Variants in DTHD1 observed in about 807,000 individuals in gnomAD.
The protein encoded by DTHD1 is death domain containing 1, also known as death domain-containing protein 1.
Under a neutral mutation model 74.8 loss-of-function variants are expected in DTHD1, and 59 were observed. The ratio of observed to expected loss-of-function variants is 0.79; its 90% CI spans 0.64 to 0.98. The LOEUF (loss-of-function observed/expected upper bound fraction) is 0.98. Among genes scored for constraint, DTHD1 ranks in the 50% least tolerant of loss-of-function variants. The pLI is 0.00. For synonymous variants in DTHD1, 365 were observed against 371.1 expected (o/e 0.98, Z 0.19); for missense variants, 1,051 against 1,065.4 (o/e 0.99, Z 0.19).
Position 36,294,829 on chromosome 4 carries a change from T to C in DTHD1, c.1433T>C (p.Leu478Ser). The part of the protein sequence containing the change: ...QPVDPALVAH[L>S]KAQQDTFYSV... The stretch of plus-strand genomic sequence containing the variant: ...GTTGACCCAGCTCTGGTGGCACATT[T>C]AAAAGCACAGCAAGATACTTTCTAC... The change falls in exon 5 of 10, where the codon TTA becomes TCA. Residue 478 changes from leucine to serine, a missense_variant. Coordinates refer to ENST00000639862, the MANE Select transcript of DTHD1 (RefSeq NM_001170700.3). 1 of 1,550,006 alleles carries C rather than the reference T, an allele frequency of 6.5e-7. No individual in the cohort carries two copies. Among genetic ancestry groups the C allele is most frequent in the African/African-American group, 1.4e-5 (1 of 73,122 alleles).
rs1232018125 is a variant in DTHD1, at chr4:36,284,132, A to C, written c.428A>C (p.Lys143Thr). 3 of 1,537,114 alleles carry C rather than the reference A, an allele frequency of 2.0e-6. No individual in the cohort carries two copies. The highest frequency in any genetic ancestry group is 2.6e-6 in the Non-Finnish European group (3 of 1,146,886). ...ACAATGTCCTCCATTCAAGATACCA[A>C]AGCAGCAGACATTGCTGCAAGAGGG... Reference protein sequence around the residue: ...QQTMSSIQDTKAADIAARGEL... With the variant: ...QQTMSSIQDTTAADIAARGEL... Residue 143 changes from lysine to threonine, a missense_variant, in exon 2 of 10, where the codon AAA becomes ACA. Coordinates refer to ENST00000639862, the MANE Select transcript of DTHD1 (RefSeq NM_001170700.3).
At position 36,339,144 on chromosome 4, in the gene DTHD1, CAA is replaced by C. The variant is rs1759174318; in HGVS notation, c.2376_2377del (p.Arg793SerfsTer3). Reference sequence around the variant, plus strand: ...AATTAATCAACCGTCCACAGAGTACCAAAAGAGTTTCTAAGGATCCTGTAGGT... The same window carrying C: ...AATTAATCAACCGTCCACAGAGTACCAAGAGTTTCTAAGGATCCTGTAGGT... ...KKLINRPQSTKRVSKDPVEAL... is the reference protein window; with the variant it reads ...KKLINRPQSTXRVSKDPVEAL... On this transcript the variant is annotated frameshift_variant, in exon 9 of 10. Transcript: ENST00000639862. LOFTEE classifies it high-confidence loss of function. The C allele has an allele frequency of 1.9e-6, 3 of 1,547,616 alleles. No individual in the cohort carries two copies. The highest frequency in any genetic ancestry group is 2.4e-5 in the South Asian group (2 of 83,756).
intron 8 of DTHD1, among the ~76,000 whole-genome samples, chr4:36,328,234 C>A (rs1006635690): frequency 9.2e-5 from 14 of 152,348 alleles, no homozygotes; most frequent in Admixed American, 9.1e-4. Context: ...ACTTCTTGCT[C>A]TAAACTCTGT....
At chr4:36,310,920 G>A (rs28530750) in intron 7 of DTHD1, among the ~76,000 whole-genome samples, 15,907 of 152,108 alleles carry the variant, frequency 0.1, 1,677 homozygotes, top group African/African-American at 0.27. Flanking sequence ...CTTGGCTTCC[G>A]GAGCAGAAAC....
rs951166488 is a variant in DTHD1, at chr4:36,347,042, C to T, written c.*3218C>T. Among the ~76,000 whole-genome samples, 1 of 152,174 alleles carries T rather than the reference C, an allele frequency of 6.6e-6. No homozygotes were observed. The highest frequency in any genetic ancestry group is 1.5e-5 in the Non-Finnish European group (1 of 68,026). On this transcript the variant is annotated 3_prime_UTR_variant, in exon 10 of 10. Coordinates refer to ENST00000639862, the MANE Select transcript of DTHD1 (RefSeq NM_001170700.3). ...CATTGAGACCCTGATTGATACCTCT[C>T]TGCACACCTTTCTTATGCTCCTAGC...
At chr4:36,340,198 C>T (rs1301822346) in intron 9 of DTHD1, among the ~76,000 whole-genome samples, 1 of 152,166 alleles carries the variant, frequency 6.6e-6, no homozygotes, top group African/African-American at 2.4e-5. Context: ...TGAGGTTAGA[C>T]ATTTTGAGTG....
At position 36,294,846 on chromosome 4, in the gene DTHD1, A is replaced by G; in HGVS notation, c.1450A>G (p.Thr484Ala). 2 of 1,551,014 alleles carry G rather than the reference A, an allele frequency of 1.3e-6. No homozygotes were observed. Among genetic ancestry groups the G allele is most frequent in the Non-Finnish European group, 8.7e-7 (1 of 1,146,232 alleles). ...LVAHLKAQQD[T>A]FYSVQSTSPL... ...GGCACATTTAAAAGCACAGCAAGATACTTTCTACTCAGTCCAATCCACAAG... is the reference window on the plus strand; with the variant it reads ...GGCACATTTAAAAGCACAGCAAGATGCTTTCTACTCAGTCCAATCCACAAG... The change falls in exon 5 of 10, where the codon ACT becomes GCT. Residue 484 changes from threonine (T) to alanine (A), a missense_variant. Physicochemically the swap from Thr to Ala is moderately conservative, Grantham distance 58 (BLOSUM62 0). Coordinates refer to ENST00000639862, the MANE Select transcript of DTHD1 (RefSeq NM_001170700.3).
chr4:36,295,158 T>C (rs1756326256), intron 5 of DTHD1, 119 bp downstream of exon 5: 6 of 1,204,374 alleles, frequency 5.0e-6, no homozygotes, highest in Non-Finnish European at 6.5e-6. Context: ...ATGAAATATC[T>C]TTAATCTAGA....
chr4:36,309,296 C>A (rs1433693605), intron 7 of DTHD1, among the ~76,000 whole-genome samples: 4 of 152,038 alleles, frequency 2.6e-5, no homozygotes, highest in Admixed American at 6.5e-5. Flanking sequence ...AACACACACA[C>A]ACAAAAATTA....
At chr4:36,312,734 C>A (rs1757477723) in intron 7 of DTHD1, among the ~76,000 whole-genome samples, 1 of 152,114 alleles carries the variant, frequency 6.6e-6, no homozygotes. Flanking sequence ...CCTGAGATGG[C>A]TGGATCAGAG....
intron 8 of DTHD1, among the ~76,000 whole-genome samples, chr4:36,335,902 T>G (rs1758984602): frequency 6.6e-6 from 1 of 152,236 alleles, no homozygotes; most frequent in African/African-American, 2.4e-5. Context: ...GGAATCCTAA[T>G]GACAGTGGCT....
intron 7 of DTHD1, among the ~76,000 whole-genome samples, chr4:36,308,733 C>T (rs1757208222): frequency 6.6e-6 from 1 of 152,138 alleles, no homozygotes; most frequent in Admixed American, 6.5e-5. Context: ...TAGAAATAGC[C>T]TTCTTCACAG....
At chr4:36,307,764 A>G (rs1757144096) in intron 6 of DTHD1, among the ~76,000 whole-genome samples, 1 of 152,236 alleles carries the variant, frequency 6.6e-6, no homozygotes, top group Non-Finnish European at 1.5e-5. Context: ...TTCTAATTAA[A>G]ATATCACTTA....
At chr4:36,286,186 A>T (rs1012611679) in intron 2 of DTHD1, among the ~76,000 whole-genome samples, 1 of 152,200 alleles carries the variant, frequency 6.6e-6, no homozygotes. Flanking sequence ...GCTCCAACAA[A>T]ACAACTGCTA....
At chr4:36,283,862 G>C in intron 1 of DTHD1, 114 bp from the exon 2 acceptor site, 3 of 742,194 alleles carry the variant, frequency 4.0e-6, no homozygotes, top group Non-Finnish European at 6.4e-6. Context: ...GCACAGTAAA[G>C]GTCTTTGTAG....
At chr4:36,314,161 T>C (rs1239397019) in intron 7 of DTHD1, among the ~76,000 whole-genome samples, 1 of 151,876 alleles carries the variant, frequency 6.6e-6, no homozygotes, top group East Asian at 1.9e-4. Context: ...ATCTGTAATC[T>C]GGAGTTATTC....
At chr4:36,321,399 T>G (rs1758029832) in intron 8 of DTHD1, among the ~76,000 whole-genome samples, 1 of 152,198 alleles carries the variant, frequency 6.6e-6, no homozygotes, top group South Asian at 2.1e-4. Context: ...TGGCGGCATT[T>G]GATCCTTGTA....
chr4:36,305,203 C>T (rs1003376160), intron 5 of DTHD1, among the ~76,000 whole-genome samples: 1 of 152,132 alleles, frequency 6.6e-6, no homozygotes, highest in African/African-American at 2.4e-5. Context: ...AATATTAATT[C>T]CTTTAATTCT....
chr4:36,311,696 G>A (rs185544529), intron 7 of DTHD1: 49 of 151,786 alleles, frequency 3.2e-4, no homozygotes, highest in African/African-American at 1.2e-3. Context: ...CTCCTACCAT[G>A]GTCACATCCA....
Sources: allele counts gnomAD v4.1 joint callset (sites outside exome capture counted in the v4.1 genomes callset), GRCh38; gene constraint gnomAD v4.1.1; transcripts MANE v1.5; gene names NCBI Gene and HGNC (gene_info 2026-07-23, HGNC 2026-07-21).